DOCK8: variants seen among roughly 807,000 people sequenced by gnomAD.
DOCK8 encodes the protein dedicator of cytokinesis 8, also known as dedicator of cytokinesis protein 8.
Under a neutral mutation model 245.6 loss-of-function variants are expected in DOCK8, and 141 were observed. The ratio of observed to expected loss-of-function variants is 0.57; its 90% CI spans 0.50 to 0.66. The LOEUF (loss-of-function observed/expected upper bound fraction) is 0.66. Among genes scored for constraint, DOCK8 ranks in the 30% least tolerant of loss-of-function variants. DOCK8 has a pLI of 0.00. For missense variants in DOCK8, 2,965 were observed against 2,603.4 expected (o/e 1.14, Z -3.02); for synonymous variants, 1,168 against 970.2 (o/e 1.20, Z -3.79).
chr9:346,039 G>T (rs943593082), intron 14 of DOCK8, among the ~76,000 whole-genome samples: 1 of 152,030 alleles, frequency 6.6e-6, no homozygotes, highest in Non-Finnish European at 1.5e-5. Context: ...GCAGTGCCAT[G>T]TGCAGCCTCT....
intron 26 of DOCK8, among the ~76,000 whole-genome samples, chr9:404,481 G>C (rs2055320400): frequency 6.6e-6 from 1 of 152,132 alleles, no homozygotes; most frequent in South Asian, 2.1e-4. Context: ...GAAACTACGA[G>C]AGAACACTTG....
chr9:211,783 C>A (rs2046624033), upstream of DOCK8, among the ~76,000 whole-genome samples: 1 of 152,162 alleles, frequency 6.6e-6, no homozygotes, highest in Admixed American at 6.5e-5. Context: ...CTCGGGATTA[C>A]ACAATTAGCA....
chr9:377,249 G>A, intron 20 of DOCK8, 38 bp downstream of exon 20: 1 of 1,520,378 alleles, frequency 6.6e-7, no homozygotes, highest in Middle Eastern at 2.3e-4. Flanking sequence ...GGAGGCAGGA[G>A]CAAGCAAGCA....
intron 17 of DOCK8, 51 bp from the exon 18 acceptor site, chr9:372,121 GATAAATTATCAGA>G: frequency 7.0e-7 from 1 of 1,420,332 alleles, no homozygotes; most frequent in Non-Finnish European, 9.9e-7. Flanking sequence ...TTGCGAGCTA[GATAAATTATCAGA>G]ATTATATGCT....
chr9:327,969 A>G (rs2050838940), intron 8 of DOCK8, 53 bp from the exon 9 acceptor site: 1 of 1,563,634 alleles, frequency 6.4e-7, no homozygotes, highest in Non-Finnish European at 8.8e-7. Context: ...AACATGTTTA[A>G]ACCATGAATG....
At chr9:327,145 G>A (rs1039825641) in intron 8 of DOCK8, among the ~76,000 whole-genome samples, 1 of 152,040 alleles carries the variant, frequency 6.6e-6, no homozygotes, top group Admixed American at 6.6e-5. Context: ...TCCCCCAGCC[G>A]TTCAAGCCTC....
intron 1 of DOCK8, among the ~76,000 whole-genome samples, chr9:238,069 G>C (rs547328054): frequency 2.8e-4 from 42 of 152,218 alleles, no homozygotes; most frequent in African/African-American, 9.1e-4. Context: ...TGCATTTGTT[G>C]ACTCCTCTTG....
At position 286,766 on chromosome 9, in the gene DOCK8, G is replaced by A. The variant is rs185179005; in HGVS notation, c.332+130G>A. ...TTACTCAATCCATTCAAATGTGTGG[G>A]ACAGCTATATGATATCATCATGTAA... On this transcript the variant is annotated intron_variant, in intron 3 of 47. Transcript: ENST00000432829. 8.6e-5 allele frequency: 77 copies of A among 892,436 alleles called. 1 individual carries two copies. In the Admixed American group the frequency reaches 1.1e-3, roughly 13 times the overall value. 55.3% of individuals were successfully genotyped at this position (892,436 alleles called of 1,614,324 possible).
intron 23 of DOCK8, among the ~76,000 whole-genome samples, chr9:387,165 A>C: frequency 6.6e-6 from 1 of 152,146 alleles, no homozygotes; most frequent in African/African-American, 2.4e-5. Context: ...TAAATATGGC[A>C]GGGCACAGTG....
chr9:390,319 G>T, intron 23 of DOCK8, 152 bp from the exon 24 acceptor site: 1 of 723,070 alleles, frequency 1.4e-6, no homozygotes. Context: ...CACTGACTTT[G>T]CCATCCACCA....
At chr9:279,869 G>A (rs903316724) in intron 2 of DOCK8, among the ~76,000 whole-genome samples, 1 of 152,174 alleles carries the variant, frequency 6.6e-6, no homozygotes, top group Non-Finnish European at 1.5e-5. Context: ...GTGCTGTAAC[G>A]AGGCAGCCAG....
At chr9:342,272 A>G (rs2051637583) in intron 14 of DOCK8, among the ~76,000 whole-genome samples, 1 of 149,404 alleles carries the variant, frequency 6.7e-6, no homozygotes, top group Non-Finnish European at 1.5e-5. Flanking sequence ...TTGTCACTCA[A>G]AAGATTGATT....
chr9:305,786 G>A (rs187814721), intron 5 of DOCK8, among the ~76,000 whole-genome samples: 7 of 152,256 alleles, frequency 4.6e-5, no homozygotes, highest in African/African-American at 1.7e-4. Flanking sequence ...AAGAACAATA[G>A]CCAAATAAAT....
intron 2 of DOCK8, among the ~76,000 whole-genome samples, chr9:285,474 C>G (rs1035761883): frequency 6.6e-6 from 1 of 152,128 alleles, no homozygotes; most frequent in African/African-American, 2.4e-5. Context: ...CCCACCACCC[C>G]CAACCTCCCT....
intron 26 of DOCK8, among the ~76,000 whole-genome samples, chr9:403,958 A>C (rs867914776): frequency 1.5e-4 from 11 of 75,618 alleles, no homozygotes; most frequent in African/African-American, 7.7e-4. Flanking sequence ...ATATATATAT[A>C]TGTATATATA....
chr9:250,935 G>C (rs578216), intron 1 of DOCK8, among the ~76,000 whole-genome samples: 90,370 of 151,928 alleles, frequency 0.59, 27,293 homozygotes, highest in East Asian at 0.8. Context: ...GTAGAAACTC[G>C]AGCTCAGGGG....
chr9:428,720 C>G (rs1322806933), intron 35 of DOCK8, among the ~76,000 whole-genome samples: 1 of 152,176 alleles, frequency 6.6e-6, no homozygotes, highest in Admixed American at 6.5e-5. Flanking sequence ...GGACCTAACT[C>G]TAGAAGTTTA....
At chr9:407,819 T>C (rs971863417) in intron 28 of DOCK8, among the ~76,000 whole-genome samples, 17 of 152,188 alleles carry the variant, frequency 1.1e-4, no homozygotes, top group African/African-American at 4.1e-4. Context: ...ACATCAGAGA[T>C]ATATCAGTGC....
chr9:266,581 G>C (rs2048038553), intron 1 of DOCK8, among the ~76,000 whole-genome samples: 1 of 152,096 alleles, frequency 6.6e-6, no homozygotes, highest in South Asian at 2.1e-4. Context: ...TAATGCAAAT[G>C]ATCCAGCAGC....
Sources: allele counts gnomAD v4.1 joint callset (sites outside exome capture counted in the v4.1 genomes callset), GRCh38; gene constraint gnomAD v4.1.1; transcripts MANE v1.5; gene names NCBI Gene and HGNC (gene_info 2026-07-23, HGNC 2026-07-21).